PPP1R12A: variants seen among roughly 807,000 people sequenced by gnomAD.
PPP1R12A encodes the protein myosin binding subunit.
A neutral mutation model predicts 139.6 loss-of-function variants in PPP1R12A; 19 were observed. The observed-to-expected ratio is 0.14, with a 90% CI of 0.09 to 0.20. The LOEUF is 0.20. Ranked by LOEUF, PPP1R12A falls within the 10% of genes least tolerant of loss-of-function variation. The pLI is 1.00. For synonymous variants in PPP1R12A, 427 were observed against 420.6 expected, an observed-to-expected ratio of 1.02 and a Z score of -0.19; for missense variants, 925 against 1,211.5, an observed-to-expected ratio of 0.76 and a Z score of 3.51.
At chr12:79,913,086 G>T (rs1038552531) in intron 1 of PPP1R12A, among the ~76,000 whole-genome samples, 1 of 152,088 alleles carries the variant, frequency 6.6e-6, no homozygotes, top group South Asian at 2.1e-4. Context: ...CTCTTAATTT[G>T]CATTTCTCTG....
chr12:79,859,463 T>G (rs1201034861), intron 2 of PPP1R12A, among the ~76,000 whole-genome samples: 1 of 151,584 alleles, frequency 6.6e-6, no homozygotes, highest in African/African-American at 2.4e-5. Context: ...ATCTTAGGAT[T>G]CTGTTGGATG....
rs1873811588 is a variant in PPP1R12A, at chr12:79,806,200, T to C, written c.1789A>G (p.Thr597Ala). ...LSSTSTTTKITTGSSSAGTQS... is the reference protein window; with the variant it reads ...LSSTSTTTKIATGSSSAGTQS... ...GTGCCTGCTGAGGAAGAACCCGTTGTAATCTTTGTAGTAGTGCTTGTGCTG... is the reference window on the plus strand; with the variant it reads ...GTGCCTGCTGAGGAAGAACCCGTTGCAATCTTTGTAGTAGTGCTTGTGCTG... The change falls in exon 13 of 25, where the codon ACA becomes GCA. Residue 597 changes from threonine to alanine, a missense_variant. By Grantham distance (58) the Thr-to-Ala change is moderately conservative. This residue lies in a region of PPP1R12A where 403 missense variants were observed against 463.7 expected (regional missense o/e 0.87). Transcript: ENST00000450142. The C allele has an allele frequency of 1.2e-6, 2 of 1,613,940 alleles. No homozygotes were observed. The highest frequency in any genetic ancestry group is 1.7e-6 in the Non-Finnish European group (2 of 1,179,820).
chr12:79,935,308 C>G (rs1888586713), upstream of PPP1R12A: 5 of 1,047,658 alleles, frequency 4.8e-6, no homozygotes, highest in South Asian at 1.5e-4. Flanking sequence ...GCTGGGCCAC[C>G]AGAGGGAAGC....
intron 1 of PPP1R12A, among the ~76,000 whole-genome samples, chr12:79,922,784 T>C (rs1383317374): frequency 1.1e-4 from 16 of 152,136 alleles, no homozygotes; most frequent in Non-Finnish European, 1.9e-4. Flanking sequence ...CAAACTACCA[T>C]AGCATAAGTA....
At chr12:79,818,411 TTG>T (rs1469236978) in intron 8 of PPP1R12A, among the ~76,000 whole-genome samples, 1 of 152,012 alleles carries the variant, frequency 6.6e-6, no homozygotes, top group Non-Finnish European at 1.5e-5. Flanking sequence ...CTACTAATTG[TTG>T]TGTTTTTTTT....
rs1872569192 is a variant in PPP1R12A at position 79,796,947 on chromosome 12, A to G, written c.2296T>C (p.Tyr766His). 1.9e-6 allele frequency: 3 copies of G among 1,598,994 alleles called. No homozygotes were observed. Among genetic ancestry groups the G allele is most frequent in the East Asian group, 4.5e-5 (2 of 44,712 alleles). ...GTTGATACTGGCCTATAACGCTGGT[A>G]AGTCTGTGAAACATTAAGATCAAAA... is the stretch of plus-strand genomic sequence containing the variant. Reference protein sequence around the residue: ...QKYSRTYDETYQRYRPVSTSS... With the variant: ...QKYSRTYDETHQRYRPVSTSS... Residue 766 changes from tyrosine (Y) to histidine (H), a missense_variant, in exon 17 of 25, where the codon TAC becomes CAC. By Grantham distance (83) the Tyr-to-His change is moderately conservative (BLOSUM62 2). Transcript: ENST00000450142.
chr12:79,895,952 G>A (rs1348603636), intron 1 of PPP1R12A, among the ~76,000 whole-genome samples: 1 of 152,124 alleles, frequency 6.6e-6, no homozygotes, highest in East Asian at 1.9e-4. Context: ...GCTTCTAGGA[G>A]AAACCTGATC....
At chr12:79,833,846 G>GAAAAAAAAAAAAA (rs371589074) in intron 3 of PPP1R12A, among the ~76,000 whole-genome samples, 1 of 116,768 alleles carries the variant, frequency 8.6e-6, no homozygotes. Flanking sequence ...CAAAGAAAAG[G>GAAAAAAAAAAAAA]AAAAAAAAAA....
At chr12:79,788,561 CATTAT>C (rs1326094955) in intron 21 of PPP1R12A, 82 bp downstream of exon 21, 56 of 1,231,542 alleles carry the variant, frequency 4.5e-5, no homozygotes, top group South Asian at 2.0e-4. Context: ...ATACTCATTT[CATTAT>C]GAGTTTTTAA....
In PPP1R12A at chr12:79,821,773, T is replaced by C. The variant is rs556042601; in HGVS notation, c.867+343A>G. 3.3e-5 allele frequency among the ~76,000 whole-genome samples: 5 copies of C among 151,960 alleles called. No individual in the cohort carries two copies. The South Asian group carries it at 1.0e-3, about 32-fold the overall frequency. On this transcript the variant is annotated intron_variant, in intron 6 of 24. Transcript: ENST00000450142. The stretch of plus-strand genomic sequence containing the variant: ...CTCCAAAAAAAAAAAAAAACTGTTT[T>C]CTAGTGATATAACTCCTTGCTTATC...
Position 79,779,340 on chromosome 12 carries a change from C to T in PPP1R12A, c.2956-740G>A, listed in dbSNP as rs752074573. 7.8e-6 allele frequency: 10 copies of T among 1,288,982 alleles called. No homozygotes were observed. The South Asian group carries it at 9.9e-5, about 13-fold the overall frequency. 79.8% of individuals were successfully genotyped at this position (1,288,982 alleles called of 1,614,324 possible). On this transcript the variant is annotated intron_variant, in intron 23 of 24. Coordinates refer to ENST00000450142, the MANE Select transcript of PPP1R12A (RefSeq NM_002480.3). ...TCATACCGCCCAGAAGATACTGACT[C>T]TTGCCGGTCACCTTTCAGATACAAA...
intron 2 of PPP1R12A, among the ~76,000 whole-genome samples, chr12:79,856,332 A>G (rs1378245795): frequency 1.2e-4 from 19 of 152,354 alleles, no homozygotes; most frequent in Non-Finnish European, 2.5e-4. Context: ...CCTTCTGTTT[A>G]ATGCAATCAG....
At chr12:79,852,206 T>C (rs1391041574) in intron 2 of PPP1R12A, among the ~76,000 whole-genome samples, 1 of 151,404 alleles carries the variant, frequency 6.6e-6, no homozygotes. Context: ...TTTTTTTTTT[T>C]TTGAGACAGG....
intron 14 of PPP1R12A, among the ~76,000 whole-genome samples, chr12:79,804,613 A>C (rs1358807188): frequency 6.6e-6 from 1 of 152,070 alleles, no homozygotes; most frequent in Non-Finnish European, 1.5e-5. Flanking sequence ...CGTGACAGAA[A>C]TAAAACAAAG....
intron 5 of PPP1R12A, 117 bp downstream of exon 5, chr12:79,828,203 T>TA: frequency 1.1e-6 from 1 of 890,400 alleles, no homozygotes; most frequent in South Asian, 3.6e-5. Context: ...ATACAGTTAA[T>TA]AAAAATATAA....
rs1869516249 is a variant in PPP1R12A, at chr12:79,774,281, A to ATATC, written c.*1644_*1647dup. On this transcript the variant is annotated 3_prime_UTR_variant, in exon 25 of 25. Coordinates refer to ENST00000450142, the MANE Select transcript of PPP1R12A (RefSeq NM_002480.3). ...AGCTTGGTAGTAAGAGCATAACCTT[A>ATATC]TATCTTCATAAAACCAATCGAGAGA... 1 of 152,496 alleles carries ATATC rather than the reference A, an allele frequency of 6.6e-6. No individual in the cohort carries two copies. The highest frequency in any genetic ancestry group is 1.5e-5 in the Non-Finnish European group (1 of 68,004). The allele number at this position is 152,496 out of a possible 1,614,324, so 9.4% of individuals were successfully genotyped here. A position where few individuals can be genotyped will look rare whatever the true frequency, so the allele number is the denominator to read the frequency against.
At chr12:79,873,815 T>C (rs1882823152) in intron 1 of PPP1R12A, among the ~76,000 whole-genome samples, 1 of 152,200 alleles carries the variant, frequency 6.6e-6, no homozygotes, top group Non-Finnish European at 1.5e-5. Flanking sequence ...CTTCCAAGTA[T>C]GATGGTTGTC....
At chr12:79,872,206 A>G (rs1882648857) in intron 2 of PPP1R12A, among the ~76,000 whole-genome samples, 1 of 152,176 alleles carries the variant, frequency 6.6e-6, no homozygotes, top group African/African-American at 2.4e-5. Context: ...GTGGATAGAT[A>G]GTAATAAGAA....
chr12:79,894,459 A>C (rs1345503011), intron 1 of PPP1R12A, among the ~76,000 whole-genome samples: 1 of 152,194 alleles, frequency 6.6e-6, no homozygotes, highest in African/African-American at 2.4e-5. Context: ...ATGGATAGAA[A>C]GATCAAGGAA....
Sources: allele counts gnomAD v4.1 joint callset (sites outside exome capture counted in the v4.1 genomes callset), GRCh38; gene constraint gnomAD v4.1.1; regional missense constraint gnomAD v4.1.1; transcripts MANE v1.5; gene names NCBI Gene and HGNC (gene_info 2026-07-23, HGNC 2026-07-21).